CHAT: variants seen among roughly 807,000 people sequenced by gnomAD.
The protein encoded by CHAT is acetyl CoA:choline O-acetyltransferase.
A neutral mutation model predicts 76.9 loss-of-function variants in CHAT; 61 were observed. The observed-to-expected ratio is 0.79, with a 90% CI of 0.65 to 0.98. The LOEUF (loss-of-function observed/expected upper bound fraction) is 0.98, where lower values mean the gene tolerates loss of function less well. CHAT is among the 50% of genes least tolerant of loss of function. The pLI, the probability that CHAT is intolerant of heterozygous loss-of-function variation, is 0.00. For synonymous variants in CHAT, 407 were observed against 397.4 expected, an observed-to-expected ratio of 1.02 and a Z score of -0.29; for missense variants, 946 against 986.9, an observed-to-expected ratio of 0.96 and a Z score of 0.56.
rs375354774 is a variant in CHAT, at chr10:49,633,820, G to A, written c.1111+6035G>A. ...CAGACCTCAGAGGCAGATGCTTTTC[G>A]TTTACACAGTCCCGTAAATATTTAT... On this transcript the variant is annotated intron_variant, in intron 7 of 14. Transcript: ENST00000337653. 1.8e-3 allele frequency among the ~76,000 whole-genome samples: 278 copies of A among 152,254 alleles called. 1 individual carries two copies. Among genetic ancestry groups the A allele is most frequent in the Middle Eastern group, 6.8e-3 (2 of 294 alleles).
intron 7 of CHAT, among the ~76,000 whole-genome samples, chr10:49,640,562 G>A (rs535045823): frequency 3.9e-5 from 6 of 152,208 alleles, no homozygotes; most frequent in African/African-American, 1.2e-4. Context: ...GGAAAAGGAC[G>A]GAGGGCTGGT....
chr10:49,610,647 C>A (rs905172223), upstream of CHAT: 3 of 1,283,688 alleles, frequency 2.3e-6, no homozygotes, highest in Non-Finnish European at 3.1e-6. Context: ...GCCAGGACAG[C>A]CTCCCCGAAG....
intron 1 of CHAT, 74 bp downstream of exon 1, chr10:49,614,549 A>G (rs1838411534): frequency 3.7e-6 from 4 of 1,087,224 alleles, no homozygotes; most frequent in Non-Finnish European, 5.1e-6. Context: ...GGCTCTATCC[A>G]GGGACAGCAC....
chr10:49,652,053 C>T, intron 11 of CHAT, 47 bp downstream of exon 11: 2 of 1,613,520 alleles, frequency 1.2e-6, no homozygotes, highest in Non-Finnish European at 1.7e-6. Context: ...CTGACGGACA[C>T]AGTGCTGTAG....
intron 9 of CHAT, among the ~76,000 whole-genome samples, chr10:49,649,165 G>C (rs1839783059): frequency 6.6e-6 from 1 of 152,176 alleles, no homozygotes; most frequent in Admixed American, 6.5e-5. Flanking sequence ...AAGCCTAGTA[G>C]GCACAAACCT....
upstream of CHAT, chr10:49,611,104 G>C: frequency 1.9e-6 from 3 of 1,614,138 alleles, no homozygotes; most frequent in Non-Finnish European, 2.5e-6. Flanking sequence ...GAGCGAAGAC[G>C]TGAAGATCGG....
At chr10:49,617,398 A>G (rs1450126173) in intron 2 of CHAT, among the ~76,000 whole-genome samples, 2 of 152,152 alleles carry the variant, frequency 1.3e-5, no homozygotes, top group Non-Finnish European at 2.9e-5. Flanking sequence ...CCAGCCCAGG[A>G]TCTGACTCAC....
Position 49,620,520 on chromosome 10 carries a change from T to C in CHAT, c.605T>C (p.Met202Thr), listed in dbSNP as rs376808313. The C allele has an allele frequency of 5.0e-6, 8 of 1,613,504 alleles. No individual in the cohort carries two copies. Among genetic ancestry groups the C allele is most frequent in the South Asian group, 1.1e-5 (1 of 91,084 alleles). The part of the protein sequence containing the change: ...NWVSEYWLND[M>T]YLNNRLALPV... Reference sequence around the variant, plus strand: ...GTGTCTGAGTACTGGCTGAATGACATGTATCTCAACAACCGCCTGGCCCTG... The same window carrying C: ...GTGTCTGAGTACTGGCTGAATGACACGTATCTCAACAACCGCCTGGCCCTG... Residue 202 changes from methionine to threonine, a missense_variant, in exon 4 of 15, where the codon ATG becomes ACG. Met to Thr is a moderately conservative substitution (Grantham distance 81, BLOSUM62 -1). Transcript: ENST00000337653.
intron 13 of CHAT, 107 bp from the exon 14 acceptor site, chr10:49,662,538 G>T: frequency 7.1e-7 from 1 of 1,416,836 alleles, no homozygotes; most frequent in Non-Finnish European, 9.9e-7. Context: ...GTAAGCATGA[G>T]CCGTGGCTGC....
intron 7 of CHAT, 76 bp from the exon 8 acceptor site, chr10:49,646,429 C>A: frequency 1.0e-5 from 16 of 1,566,802 alleles, no homozygotes; most frequent in Non-Finnish European, 1.3e-5. Context: ...GCTGCCCTGC[C>A]CTGTGTGGGG....
At chr10:49,652,765 A>T (rs984791113) in intron 11 of CHAT, among the ~76,000 whole-genome samples, 3 of 151,982 alleles carry the variant, frequency 2.0e-5, no homozygotes, top group African/African-American at 7.2e-5. Context: ...GCCCCACCTG[A>T]GGCCCTCCCA....
intron 10 of CHAT, among the ~76,000 whole-genome samples, chr10:49,651,535 C>T (rs1408755408): frequency 2.0e-5 from 3 of 152,232 alleles, no homozygotes; most frequent in Non-Finnish European, 2.9e-5. Context: ...GTTCCTGTTA[C>T]TCCGACAGTG....
At chr10:49,626,067 C>T (rs578253758) in intron 6 of CHAT, among the ~76,000 whole-genome samples, 19 of 152,224 alleles carry the variant, frequency 1.2e-4, no homozygotes, top group Non-Finnish European at 8.8e-5. Context: ...TGCATTCATC[C>T]CACTTAATCC....
chr10:49,616,879 C>T (rs1333434065), intron 2 of CHAT, among the ~76,000 whole-genome samples: 3 of 152,218 alleles, frequency 2.0e-5, no homozygotes, highest in East Asian at 1.9e-4. Context: ...CCTTCCAGGG[C>T]CTCTCTTCAT....
In CHAT at chr10:49,634,735, A is replaced by G. The variant is rs188391073; in HGVS notation, c.1111+6950A>G. Among the ~76,000 whole-genome samples the G allele has an allele frequency of 1.3e-3, 194 of 151,710 alleles. 2 individuals carry two copies. The highest frequency in any genetic ancestry group is 4.6e-3 in the African/African-American group (190 of 41,286). On this transcript the variant is annotated intron_variant, in intron 7 of 14. Transcript: ENST00000337653. ...GTTTTGTTTTTGTTTTTGTTTTTGT[A>G]TCTCCTGCCTTTCTCCCCCACCATC...
At chr10:49,619,277 A>G (rs543776050) in intron 2 of CHAT, among the ~76,000 whole-genome samples, 1 of 152,344 alleles carries the variant, frequency 6.6e-6, no homozygotes, top group South Asian at 2.1e-4. Flanking sequence ...AACAATATCA[A>G]TAACAGGACT....
Position 49,627,766 on chromosome 10 carries a change from C to G in CHAT, c.1092C>G (p.Ala364=). ...ACGGGAGGAGCGAGTGGGCCGAGGCCAGGACGGTCCTCGTGAAAGGTCAGC... is the reference window on the plus strand; with the variant it reads ...ACGGGAGGAGCGAGTGGGCCGAGGCGAGGACGGTCCTCGTGAAAGGTCAGC... ...TSDGRSEWAE[A]RTVLVKDSTN... The change falls in exon 7 of 15, where the codon GCC becomes GCG. Residue 364 remains alanine (A), a synonymous_variant. Transcript: ENST00000337653. 1 of 1,613,854 alleles carries G rather than the reference C, an allele frequency of 6.2e-7. No homozygotes were observed. Among genetic ancestry groups the G allele is most frequent in the South Asian group, 1.1e-5 (1 of 91,068 alleles).
intron 4 of CHAT, 144 bp from the exon 5 acceptor site, chr10:49,621,953 G>A: frequency 1.5e-5 from 1 of 68,448 alleles, no homozygotes; most frequent in South Asian, 1.3e-4. Flanking sequence ...CAGTGGGGAT[G>A]AGGGAGGGAG....
At chr10:49,644,809 C>G (rs975377518) in intron 7 of CHAT, among the ~76,000 whole-genome samples, 2 of 152,150 alleles carry the variant, frequency 1.3e-5, no homozygotes, top group African/African-American at 4.8e-5. Flanking sequence ...CTGGGCAGAG[C>G]GAAGACCAGT....
Sources: gnomAD v4.1 joint callset for allele counts (sites outside exome capture counted in the v4.1 genomes callset) on GRCh38, gnomAD v4.1.1 for gene constraint, MANE v1.5 for transcripts, NCBI Gene and HGNC (gene_info 2026-07-23, HGNC 2026-07-21) for gene names.